PAIP2: variants seen among roughly 807,000 people sequenced by gnomAD.
PAIP2 encodes the protein poly(A) binding protein interacting protein 2.
PAIP2 carries 7 observed loss-of-function variants against 14.8 expected under a neutral mutation model. That is an observed-to-expected ratio of 0.47 (90% CI 0.27 to 0.89). PAIP2 has a LOEUF of 0.89. Ranked by LOEUF, PAIP2 falls within the 40% of genes least tolerant of loss-of-function variation. The probability of loss-of-function intolerance (pLI) is 0.13; values close to 1 mark genes in which losing one functional copy is unlikely to be tolerated. For synonymous variants in PAIP2, 47 were observed against 45.3 expected, an observed-to-expected ratio of 1.04 and a Z score of -0.15; for missense variants, 122 against 154.7, an observed-to-expected ratio of 0.79 and a Z score of 1.12.
intron 1 of PAIP2, among the ~76,000 whole-genome samples, chr5:139,350,166 A>G (rs376381104): frequency 3.4e-5 from 5 of 149,090 alleles, no homozygotes; most frequent in African/African-American, 1.2e-4. Flanking sequence ...CAAAGGCGAG[A>G]CTCTGTCTCA....
At chr5:139,360,648 G>A (rs974128941) in intron 1 of PAIP2, among the ~76,000 whole-genome samples, 2 of 151,850 alleles carry the variant, frequency 1.3e-5, no homozygotes. Flanking sequence ...GTGCACCACT[G>A]TACCCAGCTT....
Position 139,342,284 on chromosome 5 carries a change from T to G in PAIP2, c.-27+304T>G, listed in dbSNP as rs541752880. 1.1e-3 allele frequency among the ~76,000 whole-genome samples: 167 copies of G among 152,168 alleles called. 2 individuals carry two copies. Among genetic ancestry groups the G allele is most frequent in the African/African-American group, 3.9e-3 (161 of 41,544 alleles). On this transcript the variant is annotated intron_variant, in intron 1 of 3. Coordinates refer to ENST00000265192, the MANE Select transcript of PAIP2 (RefSeq NM_016480.5). ...GTTGCCGGGATAGCACTTTCTCCTG[T>G]TCCTCATTCTCCCGGTCCTTTATCC... is the stretch of plus-strand genomic sequence containing the variant.
At chr5:139,347,655 A>G (rs1170567140) in intron 1 of PAIP2, among the ~76,000 whole-genome samples, 1 of 152,176 alleles carries the variant, frequency 6.6e-6, no homozygotes, top group Non-Finnish European at 1.5e-5. Context: ...TGACGAGTTA[A>G]TGGGTGCAGC....
At chr5:139,365,722 C>T (rs1281928180) in intron 3 of PAIP2, among the ~76,000 whole-genome samples, 3 of 151,944 alleles carry the variant, frequency 2.0e-5, no homozygotes, top group Non-Finnish European at 2.9e-5. Context: ...CAGAGTCTCA[C>T]GACATGGAAT....
intron 1 of PAIP2, 86 bp from the exon 2 acceptor site, chr5:139,363,673 A>C: frequency 8.3e-7 from 1 of 1,201,230 alleles, no homozygotes; most frequent in Non-Finnish European, 1.2e-6. Flanking sequence ...ATTGCACTCC[A>C]GCCTGGATGA....
chr5:139,355,097 A>T (rs1287511596), intron 1 of PAIP2, among the ~76,000 whole-genome samples: 2 of 149,956 alleles, frequency 1.3e-5, no homozygotes, highest in Non-Finnish European at 3.0e-5. Context: ...AAGTGCTGGG[A>T]TTACAAGCAT....
intron 3 of PAIP2, among the ~76,000 whole-genome samples, chr5:139,365,663 CA>C (rs58393182): frequency 0.022 from 2,792 of 127,156 alleles, 79 homozygotes; most frequent in African/African-American, 0.069. Context: ...AAGACTGTCT[CA>C]AAAAAAAAAA....
intron 1 of PAIP2, among the ~76,000 whole-genome samples, chr5:139,347,268 C>CTT (rs34018719): frequency 0.084 from 8,900 of 105,836 alleles, 587 homozygotes; most frequent in Non-Finnish European, 0.1. Context: ...CATGTTACAA[C>CTT]TTTTTTTTTT....
At chr5:139,363,446 C>T (rs1757130320) in intron 1 of PAIP2, among the ~76,000 whole-genome samples, 1 of 152,068 alleles carries the variant, frequency 6.6e-6, no homozygotes, top group South Asian at 2.1e-4. Flanking sequence ...ATCAGCTGGG[C>T]CTGGTGGCTC....
intron 1 of PAIP2, among the ~76,000 whole-genome samples, chr5:139,363,066 C>T (rs2152054313): frequency 6.6e-6 from 1 of 152,098 alleles, no homozygotes; most frequent in East Asian, 1.9e-4. Context: ...CGTGGCGAAA[C>T]TCCATCTCTA....
chr5:139,342,629 C>T (rs924391842), intron 1 of PAIP2: 2 of 152,090 alleles, frequency 1.3e-5, no homozygotes, highest in Non-Finnish European at 2.9e-5. Context: ...ACTGGGAACC[C>T]TTACCCTAGG....
intron 3 of PAIP2, among the ~76,000 whole-genome samples, chr5:139,366,985 A>C (rs1391133322): frequency 6.6e-6 from 1 of 152,214 alleles, no homozygotes; most frequent in African/African-American, 2.4e-5. Flanking sequence ...ACTTGAGCCC[A>C]GGAGGCCGAT....
intron 1 of PAIP2, among the ~76,000 whole-genome samples, chr5:139,361,589 G>A (rs1012048497): frequency 2.6e-5 from 4 of 152,146 alleles, no homozygotes; most frequent in African/African-American, 9.7e-5. Flanking sequence ...GTTAGATCAT[G>A]TTATCAGCTA....
At chr5:139,363,402 A>T (rs752637801) in intron 1 of PAIP2, among the ~76,000 whole-genome samples, 1 of 152,120 alleles carries the variant, frequency 6.6e-6, no homozygotes, top group African/African-American at 2.4e-5. Context: ...GATGCCTGCT[A>T]ATAATAAACA....
chr5:139,367,986 G>C (rs552184471), intron 3 of PAIP2, among the ~76,000 whole-genome samples: 9 of 151,770 alleles, frequency 5.9e-5, no homozygotes, highest in Non-Finnish European at 1.0e-4. Context: ...GGCAGATCAC[G>C]AGGTCAGATC....
intron 1 of PAIP2, among the ~76,000 whole-genome samples, chr5:139,355,869 G>A (rs185732922): frequency 6.6e-6 from 1 of 150,432 alleles, no homozygotes; most frequent in East Asian, 2.0e-4. Context: ...AAAATAAATA[G>A]GCTGGGCGTG....
chr5:139,367,545 A>AAGTT (rs928407375), intron 3 of PAIP2: 4 of 151,930 alleles, frequency 2.6e-5, no homozygotes, highest in African/African-American at 9.7e-5. Context: ...GTTTACACAG[A>AAGTT]AGTTAGTTAG....
rs959977229 is a variant in PAIP2 at position 139,369,052 on chromosome 5, T to G, written c.*254T>G. The G allele has an allele frequency of 2.0e-5, 7 of 354,948 alleles. No individual in the cohort carries two copies. The highest frequency in any genetic ancestry group is 3.1e-5 in the Non-Finnish European group (6 of 196,432). 22.0% of individuals were successfully genotyped at this position (354,948 alleles called of 1,614,324 possible). On this transcript the variant is annotated 3_prime_UTR_variant, in exon 4 of 4. Transcript: ENST00000265192. ...AAGGAAAGAAGCACCAGTCAAGTTGTGAACAAGCACCAAATTAAAAGACCT... is the reference window on the plus strand; with the variant it reads ...AAGGAAAGAAGCACCAGTCAAGTTGGGAACAAGCACCAAATTAAAAGACCT...
rs1488369014 is a variant in PAIP2, at chr5:139,341,927, A to C, written c.-80A>C. 2 of 152,566 alleles carry C rather than the reference A, an allele frequency of 1.3e-5. No individual in the cohort carries two copies. Among genetic ancestry groups the C allele is most frequent in the African/African-American group, 4.8e-5 (2 of 41,340 alleles). The allele number at this position is 152,566 out of a possible 1,614,324, so 9.5% of individuals were successfully genotyped here. On this transcript the variant is annotated 5_prime_UTR_variant, in exon 1 of 4. Coordinates refer to ENST00000265192, the MANE Select transcript of PAIP2 (RefSeq NM_016480.5). The stretch of plus-strand genomic sequence containing the variant: ...CGGGGGAGCGGCGCTGCCTGTGGAG[A>C]TCCGCGGAGGCCGACAGGATTCGTT...
Sources: allele counts gnomAD v4.1 joint callset (sites outside exome capture counted in the v4.1 genomes callset), GRCh38; gene constraint gnomAD v4.1.1; transcripts MANE v1.5; gene names NCBI Gene and HGNC (gene_info 2026-07-23, HGNC 2026-07-21).